Variants in COL11A2 observed in about 807,000 individuals in gnomAD.
COL11A2 encodes the protein collagen alpha-2(XI) chain.
Under a neutral mutation model 273.4 loss-of-function variants are expected in COL11A2, and 116 were observed. That is an observed-to-expected ratio of 0.42 (90% CI 0.36 to 0.49). COL11A2 has a LOEUF of 0.49. Ranked by LOEUF, COL11A2 falls within the 20% of genes least tolerant of loss-of-function variation. The pLI is 0.00. For synonymous variants in COL11A2, 782 were observed against 864.2 expected, an observed-to-expected ratio of 0.90 and a Z score of 1.67; for missense variants, 1,866 against 2,309.0, an observed-to-expected ratio of 0.81 and a Z score of 3.93.
In COL11A2 at chr6:33,173,327, G is replaced by T; in HGVS notation, c.2736+21C>A. On this transcript the variant is annotated intron_variant, in intron 37 of 65. Transcript: ENST00000341947. The surrounding 1 kb of genome is among the most constrained non-coding windows in gnomAD (Gnocchi z 6.3). ...GTCTGATGGAGCCCCCTGAGAATGG[G>T]TAGCCAGGAGCATCACTCACCACTT... The T allele has an allele frequency of 6.2e-7, 1 of 1,611,096 alleles. No homozygotes were observed.
In COL11A2 at chr6:33,178,025, T is replaced by C; in HGVS notation, c.1872+107A>G. 1 of 1,198,840 alleles carries C rather than the reference T, an allele frequency of 8.3e-7. No homozygotes were observed. The highest frequency in any genetic ancestry group is 1.4e-5 in the South Asian group (1 of 71,970). The allele number at this position is 1,198,840 out of a possible 1,614,324, so 74.3% of individuals were successfully genotyped here. On this transcript the variant is annotated intron_variant, in intron 21 of 65. Transcript: ENST00000341947. This position sits in a 1 kb window ranked among gnomAD's most constrained non-coding sequence, Gnocchi z 4.6. ...CAGAGCAGGGGGAGCTCACAGGGAA[T>C]GGGAAGCATGCCGAGAGAGGAGAGG...
Position 33,173,180 on chromosome 6 carries a change from G to A in COL11A2, c.2737-67C>T, listed in dbSNP as rs965552609. ...GGCGCTGTGGGGCAGATTCCCAGGA[G>A]GAAGGATCCCAGGCAGGATCACACC... On this transcript the variant is annotated intron_variant, in intron 37 of 65. Coordinates refer to ENST00000341947, the MANE Select transcript of COL11A2 (RefSeq NM_080680.3). The surrounding 1 kb of genome is among the most constrained non-coding windows in gnomAD (Gnocchi z 6.3). The A allele has an allele frequency of 3.8e-6, 6 of 1,567,668 alleles. No homozygotes were observed. In the African/African-American group the frequency reaches 5.4e-5, roughly 14 times the overall value.
At chr6:33,174,477 G>A (rs905400093) in intron 31 of COL11A2, 50 bp downstream of exon 31, 4 of 1,602,388 alleles carry the variant, frequency 2.5e-6, no homozygotes, top group Non-Finnish European at 3.4e-6. Context: ...TCAGGGAAGC[G>A]AAGAGGAGGA....
In COL11A2 at chr6:33,178,768, A is replaced by AC. The variant is rs1311130320; in HGVS notation, c.1666-37dup. 1 of 1,612,012 alleles carries AC rather than the reference A, an allele frequency of 6.2e-7. No individual in the cohort carries two copies. The highest frequency in any genetic ancestry group is 1.3e-5 in the African/African-American group (1 of 74,910). On this transcript the variant is annotated intron_variant, in intron 17 of 65. Coordinates refer to ENST00000341947, the MANE Select transcript of COL11A2 (RefSeq NM_080680.3). This position sits in a 1 kb window ranked among gnomAD's most constrained non-coding sequence, Gnocchi z 4.6. Reference sequence around the variant, plus strand: ...GAAGGATAGCCAGAGTGAGGACACGACCCTGTCCAAGCCCACCCCTCCCTA... The same window carrying AC: ...GAAGGATAGCCAGAGTGAGGACACGACCCCTGTCCAAGCCCACCCCTCCCTA...
chr6:33,170,899 C>T lies in COL11A2; in HGVS notation c.3385G>A (p.Gly1129Arg), dbSNP rs550153707. ...PGAAGADGEP[G>R]ARGPQGHFGA... ...AAGTGTCCCTGGGGTCCCCGAGCTC[C>T]GGGCTCCCCATCTGCTCCCTGCAGG... The change falls in exon 46 of 66, where the codon GGA becomes AGA. Residue 1129 changes from glycine to arginine, a missense_variant. Coordinates refer to ENST00000341947, the MANE Select transcript of COL11A2 (RefSeq NM_080680.3). This position sits in a 1 kb window ranked among gnomAD's most constrained non-coding sequence, Gnocchi z 4.3. 2 of 1,612,914 alleles carry T rather than the reference C, an allele frequency of 1.2e-6. No homozygotes were observed. The highest frequency in any genetic ancestry group is 1.7e-6 in the Non-Finnish European group (2 of 1,179,966).
In COL11A2 at chr6:33,175,999, G is replaced by GT. The variant is rs752225706; in HGVS notation, c.2268+16dup. 1.2e-6 allele frequency: 2 copies of GT among 1,612,840 alleles called. No homozygotes were observed. The highest frequency in any genetic ancestry group is 2.7e-5 in the African/African-American group (2 of 74,890). ...AGTAGAACACGGAATTGGGGCCAGT[G>GT]TGGGGTCTCTACTCACCCTGTCACC... On this transcript the variant is annotated intron_variant, in intron 29 of 65. Coordinates refer to ENST00000341947, the MANE Select transcript of COL11A2 (RefSeq NM_080680.3).
chr6:33,164,367 C>G lies in COL11A2; in HGVS notation c.4970G>C (p.Gly1657Ala). ...TCTCAGGGGACCGTCACGGGCTGCT[C>G]CAGAGCAGGGGTAGGAGACGTCCTG... ...AHQDVSYPCS[G>A]AARDGPLRLR... The change falls in exon 65 of 66, where the codon GGA becomes GCA. Residue 1657 changes from glycine (G) to alanine (A), a missense_variant. By Grantham distance (60) the Gly-to-Ala change is moderately conservative. Transcript: ENST00000341947. This position sits in a 1 kb window ranked among gnomAD's most constrained non-coding sequence, Gnocchi z 4.7. 2 of 1,612,380 alleles carry G rather than the reference C, an allele frequency of 1.2e-6. No individual in the cohort carries two copies. Among genetic ancestry groups the G allele is most frequent in the Non-Finnish European group, 1.7e-6 (2 of 1,179,750 alleles).
chr6:33,169,721 A>C lies in COL11A2; in HGVS notation c.3690+110T>G. 1 of 1,353,956 alleles carries C rather than the reference A, an allele frequency of 7.4e-7. No homozygotes were observed. Among genetic ancestry groups the C allele is most frequent in the South Asian group, 1.2e-5 (1 of 85,810 alleles). 83.9% of individuals were successfully genotyped at this position (1,353,956 alleles called of 1,614,324 possible). ...CCTCATAGAGGATGGCAGGGAGCAG[A>C]GACTCTTGCTGCAGAGGAGTTCCAG... On this transcript the variant is annotated intron_variant, in intron 50 of 65. Transcript: ENST00000341947. The surrounding 1 kb of genome is among the most constrained non-coding windows in gnomAD (Gnocchi z 5.5).
Position 33,164,465 on chromosome 6 carries a change from G to A in COL11A2, c.4872C>T (p.Tyr1624=), listed in dbSNP as rs372250466. 3.8e-5 allele frequency: 59 copies of A among 1,552,134 alleles called. No individual in the cohort carries two copies. The East Asian group carries it at 5.2e-4, about 14-fold the overall frequency. ...TPRDDVTQFS[Y]VDSEGSPVGV... ...CCACTGGGGAGCCCTCTGAGTCCAC[G>A]TAAGAGAACTGGAAGGAGAGAGAGG... The change falls in exon 65 of 66, where the codon TAC becomes TAT. Residue 1624 remains tyrosine (Y), a synonymous_variant. Transcript: ENST00000341947. This position sits in a 1 kb window ranked among gnomAD's most constrained non-coding sequence, Gnocchi z 4.7.
Position 33,178,021 on chromosome 6 carries a change from G to A in COL11A2, c.1872+111C>T. 5.1e-6 allele frequency: 6 copies of A among 1,170,754 alleles called. No individual in the cohort carries two copies. Among genetic ancestry groups the A allele is most frequent in the Non-Finnish European group, 7.4e-6 (6 of 808,302 alleles). The allele number at this position is 1,170,754 out of a possible 1,614,324, so 72.5% of individuals were successfully genotyped here. A position where few individuals can be genotyped will look rare whatever the true frequency, so the allele number is the denominator to read the frequency against. The stretch of plus-strand genomic sequence containing the variant: ...GGGCCAGAGCAGGGGGAGCTCACAG[G>A]GAATGGGAAGCATGCCGAGAGAGGA... On this transcript the variant is annotated intron_variant, in intron 21 of 65. Transcript: ENST00000341947. The surrounding 1 kb of genome is among the most constrained non-coding windows in gnomAD (Gnocchi z 4.6).
Position 33,179,537 on chromosome 6 carries a change from C to G in COL11A2, c.1447-50G>C, listed in dbSNP as rs761366622. On this transcript the variant is annotated intron_variant, in intron 13 of 65. Coordinates refer to ENST00000341947, the MANE Select transcript of COL11A2 (RefSeq NM_080680.3). This position sits in a 1 kb window ranked among gnomAD's most constrained non-coding sequence, Gnocchi z 6.4. ...GCTGAGGGACAGGCAGTGGGAACCC[C>G]CAGCCCCAGCACTCTCCAAATTCAC... 8.4e-5 allele frequency: 127 copies of G among 1,506,864 alleles called. No individual in the cohort carries two copies. Among genetic ancestry groups the G allele is most frequent in the Non-Finnish European group, 1.1e-4 (125 of 1,106,828 alleles). 93.3% of individuals were successfully genotyped at this position (1,506,864 alleles called of 1,614,324 possible). A position where few individuals can be genotyped will look rare whatever the true frequency, so the allele number is the denominator to read the frequency against.
Position 33,174,192 on chromosome 6 carries a change from A to G in COL11A2, c.2457T>C (p.Pro819=). 6.3e-7 allele frequency: 1 copy of G among 1,576,474 alleles called. No homozygotes were observed. Among genetic ancestry groups the G allele is most frequent in the Non-Finnish European group, 8.6e-7 (1 of 1,160,698 alleles). ...PKGSLGFPGF[P]GASGEKGARG... is the part of the protein sequence containing the mutation. ...GGGCTCCCTTCTCTCCACTGGCACC[A>G]GGAAAGCCAGGAAATCCTAGGGACC... Residue 819 remains proline (P), a synonymous_variant, in exon 32 of 66, where the codon CCT becomes CCC. Transcript: ENST00000341947.
chr6:33,171,240 G>A (rs1476000024), intron 44 of COL11A2, 31 bp downstream of exon 44: 2 of 1,614,032 alleles, frequency 1.2e-6, no homozygotes, highest in Non-Finnish European at 1.7e-6. Flanking sequence ...TAAAGGCCAG[G>A]AGGTCAGAAG....
At position 33,178,603 on chromosome 6, in the gene COL11A2, C is replaced by T. The variant is rs2150577072; in HGVS notation, c.1719+76G>A. The T allele has an allele frequency of 6.2e-7, 1 of 1,606,336 alleles. No individual in the cohort carries two copies. The highest frequency in any genetic ancestry group is 1.1e-5 in the South Asian group (1 of 90,956). Reference sequence around the variant, plus strand: ...CACTGAGCTCCTGCCAAGCCTCCAGCCTCCCTTCCCTACCTATCCTCACTC... The same window carrying T: ...CACTGAGCTCCTGCCAAGCCTCCAGTCTCCCTTCCCTACCTATCCTCACTC... On this transcript the variant is annotated intron_variant, in intron 18 of 65. Coordinates refer to ENST00000341947, the MANE Select transcript of COL11A2 (RefSeq NM_080680.3). This position sits in a 1 kb window ranked among gnomAD's most constrained non-coding sequence, Gnocchi z 4.6.
chr6:33,187,237 A>G (rs1772548913), intron 4 of COL11A2, among the ~76,000 whole-genome samples: 1 of 152,190 alleles, frequency 6.6e-6, no homozygotes, highest in Non-Finnish European at 1.5e-5. Flanking sequence ...TTGGCCTTCC[A>G]ATGGCAGTGA....
rs769223110 is a variant in COL11A2 at position 33,172,116 on chromosome 6, C to T, written c.2989-13G>A. 7 of 1,612,516 alleles carry T rather than the reference C, an allele frequency of 4.3e-6. No homozygotes were observed. In the East Asian group the frequency reaches 1.1e-4, roughly 26 times the overall value. ...AACCAGGTCCACCCTATGAACCAGA[C>T]ATTTGGGGAAGATGAGACTTCACGA... On this transcript the variant is annotated splice_polypyrimidine_tract_variant and intron_variant, in intron 40 of 65. Transcript: ENST00000341947.
At position 33,170,798 on chromosome 6, in the gene COL11A2, C is replaced by G; in HGVS notation, c.3474+12G>C. 6.2e-7 allele frequency: 1 copy of G among 1,611,270 alleles called. No individual in the cohort carries two copies. The highest frequency in any genetic ancestry group is 8.5e-7 in the Non-Finnish European group (1 of 1,178,822). On this transcript the variant is annotated intron_variant, in intron 46 of 65. Transcript: ENST00000341947. The surrounding 1 kb of genome is among the most constrained non-coding windows in gnomAD (Gnocchi z 4.3). ...CCCCACCTCTCAGCCCCTGTCCTAT[C>G]CCCCAACACACCTGTAGGCCAATGG...
Position 33,189,888 on chromosome 6 carries a change from C to T in COL11A2, c.83-419G>A, listed in dbSNP as rs975239659. ...CTCTTCTGTCTTCCTCCATTTCTCT[C>T]ACATTCTGTCCATCTTTTTCTCTCC... On this transcript the variant is annotated intron_variant, in intron 1 of 65. Transcript: ENST00000341947. This position sits in a 1 kb window ranked among gnomAD's most constrained non-coding sequence, Gnocchi z 5.6. Among the ~76,000 whole-genome samples the T allele has an allele frequency of 1.5e-4, 23 of 152,136 alleles. No individual in the cohort carries two copies. The highest frequency in any genetic ancestry group is 5.6e-4 in the African/African-American group (23 of 41,418).
chr6:33,181,804 C>A (rs1057191923), intron 8 of COL11A2, among the ~76,000 whole-genome samples: 2 of 151,920 alleles, frequency 1.3e-5, no homozygotes, highest in African/African-American at 4.8e-5. Context: ...GGATTTTAAA[C>A]CACCCACCTT....
Sources: allele counts gnomAD v4.1 joint callset (sites outside exome capture counted in the v4.1 genomes callset), GRCh38; gene constraint gnomAD v4.1.1; non-coding constraint Gnocchi (gnomAD v3.1); transcripts MANE v1.5; gene names NCBI Gene and HGNC (gene_info 2026-07-23, HGNC 2026-07-21).